The following PPFIA2 variants were observed in gnomAD, a reference collection of about 807,000 sequenced individuals.
The protein encoded by PPFIA2 is liprin-alpha-2.
PPFIA2 carries 46 observed loss-of-function variants against 175.5 expected under a neutral mutation model. The ratio of observed to expected loss-of-function variants is 0.26; its 90% CI spans 0.21 to 0.34. The LOEUF (loss-of-function observed/expected upper bound fraction) is 0.34. Among genes scored for constraint, PPFIA2 ranks in the 10% least tolerant of loss-of-function variants. The pLI is 1.00. For missense variants in PPFIA2, 1,179 were observed against 1,506.1 expected, an observed-to-expected ratio of 0.78 and a Z score of 3.60; for synonymous variants, 568 against 511.4, an observed-to-expected ratio of 1.11 and a Z score of -1.49.
intron 4 of PPFIA2, among the ~76,000 whole-genome samples, chr12:81,537,230 C>T (rs1330869669): frequency 1.3e-5 from 2 of 151,688 alleles, no homozygotes; most frequent in Non-Finnish European, 2.9e-5. Flanking sequence ...AAAAATTCTG[C>T]TGGGACAATT....
At chr12:81,552,581 T>C (rs1467512846) in intron 4 of PPFIA2, among the ~76,000 whole-genome samples, 1 of 151,826 alleles carries the variant, frequency 6.6e-6, no homozygotes, top group Non-Finnish European at 1.5e-5. Flanking sequence ...AAACTTATTA[T>C]ATGTTTGAAC....
chr12:81,516,919 T>C (rs1179043844), intron 4 of PPFIA2, among the ~76,000 whole-genome samples: 1 of 152,164 alleles, frequency 6.6e-6, no homozygotes, highest in Non-Finnish European at 1.5e-5. Context: ...ACTTGTCATA[T>C]CACTTAGTGA....
rs36182501 is a variant in PPFIA2, at chr12:81,386,275, TTAAATAAATAAATAAATAAA to T, written c.763-2051_763-2032del. 4.9e-4 allele frequency among the ~76,000 whole-genome samples: 67 copies of T among 135,726 alleles called. 1 individual carries two copies. In the East Asian group the frequency reaches 0.011, roughly 22 times the overall value. The allele number at this position is 135,726 out of a possible 152,430, so 89.0% of individuals were successfully genotyped here. A position where few individuals can be genotyped will look rare whatever the true frequency, so the allele number is the denominator to read the frequency against. ...CATGGGCAACAGAGCCTTACAACCTTTAAATAAATAAATAAATAAATAAATAAATAAATAAATAAATAAAT... is the reference window on the plus strand; with the variant it reads ...CATGGGCAACAGAGCCTTACAACCTTTAAATAAATAAATAAATAAATAAAT... On this transcript the variant is annotated intron_variant, in intron 8 of 32. Transcript: ENST00000549396.
chr12:81,286,439 T>C (rs1355511959), intron 24 of PPFIA2, among the ~76,000 whole-genome samples: 1 of 152,098 alleles, frequency 6.6e-6, no homozygotes, highest in Non-Finnish European at 1.5e-5. Flanking sequence ...GTACCTTTTC[T>C]ATGTTTAGAC....
At chr12:81,654,847 G>A (rs532450442) in intron 4 of PPFIA2, among the ~76,000 whole-genome samples, 39 of 152,192 alleles carry the variant, frequency 2.6e-4, no homozygotes, top group African/African-American at 3.6e-4. Flanking sequence ...CTTGGGAAGC[G>A]CTTCTTCTTT....
At chr12:81,586,088 T>C (rs1441762496) in intron 4 of PPFIA2, among the ~76,000 whole-genome samples, 1 of 151,994 alleles carries the variant, frequency 6.6e-6, no homozygotes, top group East Asian at 1.9e-4. Flanking sequence ...TAAGTGGTTG[T>C]ATGACTGTAT....
At chr12:81,715,961 A>C (rs2078562006) in intron 3 of PPFIA2, among the ~76,000 whole-genome samples, 1 of 151,556 alleles carries the variant, frequency 6.6e-6, no homozygotes, top group South Asian at 2.1e-4. Context: ...TTTAATTAGA[A>C]CTGGAATAAA....
chr12:81,298,785 A>G (rs2047106277), intron 23 of PPFIA2, among the ~76,000 whole-genome samples: 2 of 152,348 alleles, frequency 1.3e-5, no homozygotes, highest in African/African-American at 4.8e-5. Context: ...CAGTTTGGAC[A>G]CAGAAGGGAA....
intron 3 of PPFIA2, among the ~76,000 whole-genome samples, chr12:81,721,440 CACACACACATAA>C (rs1368316502): frequency 4.7e-5 from 7 of 148,780 alleles, no homozygotes. Context: ...ACACCTAATA[CACACACACATAA>C]ACACACACAC....
intron 19 of PPFIA2, 51 bp downstream of exon 19, chr12:81,344,613 T>G: frequency 7.7e-7 from 1 of 1,304,888 alleles, no homozygotes; most frequent in South Asian, 1.5e-5. Context: ...AAAGCTTTCA[T>G]AGAATAAAAC....
At chr12:81,473,377 C>T (rs1470352333) in intron 4 of PPFIA2, among the ~76,000 whole-genome samples, 1 of 152,290 alleles carries the variant, frequency 6.6e-6, no homozygotes, top group East Asian at 1.9e-4. Context: ...CCATTGCACT[C>T]TAGTCTGGGC....
intron 21 of PPFIA2, 81 bp from the exon 22 acceptor site, chr12:81,325,951 T>C: frequency 1.0e-6 from 1 of 997,442 alleles, no homozygotes. Flanking sequence ...AAAGGTTTAG[T>C]TGAGCAACTG....
At chr12:81,653,899 T>G (rs1202148696) in intron 4 of PPFIA2, among the ~76,000 whole-genome samples, 1 of 152,056 alleles carries the variant, frequency 6.6e-6, no homozygotes, top group Non-Finnish European at 1.5e-5. Context: ...TGGCATAGTT[T>G]GTATATAATA....
At chr12:81,750,854 C>T (rs11115000) in intron 3 of PPFIA2, among the ~76,000 whole-genome samples, 391 of 152,116 alleles carry the variant, frequency 2.6e-3, no homozygotes, top group African/African-American at 8.6e-3. Context: ...TTTATCTCTG[C>T]TTTCAATTCT....
rs571462118 is a variant in PPFIA2 at position 81,712,443 on chromosome 12, T to G, written c.250-35599A>C. 1.7e-4 allele frequency among the ~76,000 whole-genome samples: 26 copies of G among 151,502 alleles called. 1 individual carries two copies. In the South Asian group the frequency reaches 5.2e-3, roughly 30 times the overall value. ...AAATCCCTTAATTGCAAATGTGAAT[T>G]TCCCAGCTGACATTAATTTTGGTTT... On this transcript the variant is annotated intron_variant, in intron 3 of 32. Transcript: ENST00000549396.
intron 4 of PPFIA2, among the ~76,000 whole-genome samples, chr12:81,650,361 GTAAAAAAATTAAATA>G (rs1227200748): frequency 6.6e-6 from 1 of 151,800 alleles, no homozygotes; most frequent in Non-Finnish European, 1.5e-5. Flanking sequence ...TTGTACCTGA[GTAAAAAAATTAAATA>G]TACCGGATAA....
At chr12:81,455,445 A>G (rs181180659) in intron 5 of PPFIA2, among the ~76,000 whole-genome samples, 1 of 152,298 alleles carries the variant, frequency 6.6e-6, no homozygotes, top group African/African-American at 2.4e-5. Context: ...CATATTTTCA[A>G]AGTAACTATT....
chr12:81,541,300 G>A (rs2066173542), intron 4 of PPFIA2, among the ~76,000 whole-genome samples: 1 of 151,826 alleles, frequency 6.6e-6, no homozygotes, highest in African/African-American at 2.4e-5. Flanking sequence ...ATTCAGCTGT[G>A]GGAAATTGTT....
In PPFIA2 at chr12:81,397,941, C is replaced by T. The variant is rs148783461; in HGVS notation, c.762+7846G>A. On this transcript the variant is annotated intron_variant, in intron 8 of 32. Transcript: ENST00000549396. ...TGCACTCCTTATGAGAATCTAATGC[C>T]TGACTATCTGTCACTGTCAGACAGG... is the stretch of plus-strand genomic sequence containing the variant. Among the ~76,000 whole-genome samples, 26 of 151,810 alleles carry T rather than the reference C, an allele frequency of 1.7e-4. No homozygotes were observed. The East Asian group carries it at 3.1e-3, about 18-fold the overall frequency.
Sources: allele counts gnomAD v4.1 joint callset (sites outside exome capture counted in the v4.1 genomes callset), GRCh38; gene constraint gnomAD v4.1.1; transcripts MANE v1.5; gene names NCBI Gene and HGNC (gene_info 2026-07-23, HGNC 2026-07-21).